CWC22: variants seen among roughly 807,000 people sequenced by gnomAD.
CWC22 encodes the protein CWC22 spliceosome associated protein, also known as pre-mRNA-splicing factor CWC22 homolog.
CWC22 carries 53 observed loss-of-function variants against 117.2 expected under a neutral mutation model. The observed-to-expected ratio is 0.45, with a 90% confidence interval of 0.36 to 0.57. CWC22 has a LOEUF of 0.57. CWC22 is among the 20% of genes least tolerant of loss of function. The pLI is 0.00. For missense variants in CWC22, 980 were observed against 1,068.8 expected, an observed-to-expected ratio of 0.92 and a Z score of 1.16; for synonymous variants, 360 against 355.6, an observed-to-expected ratio of 1.01 and a Z score of -0.14.
chr2:180,000,018 A>C (rs1486074000), intron 1 of CWC22, among the ~76,000 whole-genome samples: 2 of 152,182 alleles, frequency 1.3e-5, no homozygotes, highest in African/African-American at 4.8e-5. Context: ...AACAAATAGG[A>C]GTAACAGATT....
At position 179,954,191 on chromosome 2, in the gene CWC22, A is replaced by C. The variant is rs748285871; in HGVS notation, c.1689+14T>G. ...AATTAGGAAGGAAGTATAAATATTG[A>C]CCCATGTACTTACACTCCATGGAAG... On this transcript the variant is annotated intron_variant, in intron 16 of 19. Coordinates refer to ENST00000410053, the MANE Select transcript of CWC22 (RefSeq NM_020943.3). The C allele has an allele frequency of 6.4e-6, 10 of 1,573,298 alleles. 1 individual carries two copies. In the East Asian group the frequency reaches 2.3e-4, roughly 36 times the overall value.
chr2:179,978,093 AAGT>A (rs1426202045), intron 6 of CWC22, 94 bp downstream of exon 6: 32 of 1,245,066 alleles, frequency 2.6e-5, no homozygotes, highest in Non-Finnish European at 2.0e-5. Flanking sequence ...CTTTGAAATG[AAGT>A]AGCACAATAA....
intron 11 of CWC22, among the ~76,000 whole-genome samples, chr2:179,968,716 C>T (rs1031261021): frequency 2.0e-5 from 3 of 151,746 alleles, no homozygotes; most frequent in Admixed American, 6.6e-5. Context: ...TATAGGCATG[C>T]ACCACCACAC....
intron 14 of CWC22, among the ~76,000 whole-genome samples, chr2:179,958,685 T>C (rs1249927886): frequency 1.3e-5 from 2 of 152,154 alleles, no homozygotes; most frequent in African/African-American, 2.4e-5. Context: ...ATCCAGAAGA[T>C]GGACCACATA....
chr2:179,965,407 A>G (rs1686863869), intron 12 of CWC22, among the ~76,000 whole-genome samples: 1 of 152,230 alleles, frequency 6.6e-6, no homozygotes, highest in Non-Finnish European at 1.5e-5. Context: ...TCAAAGCTGA[A>G]GAGGAAGAAC....
At chr2:179,957,651 T>C (rs2105513685) in intron 14 of CWC22, among the ~76,000 whole-genome samples, 1 of 152,274 alleles carries the variant, frequency 6.6e-6, no homozygotes, top group African/African-American at 2.4e-5. Flanking sequence ...TTAGCTCCGA[T>C]AATCAAGAAG....
At chr2:179,954,424 T>A in intron 15 of CWC22, 67 bp from the exon 16 acceptor site, 1 of 962,288 alleles carries the variant, frequency 1.0e-6, no homozygotes, top group Non-Finnish European at 1.5e-6. Context: ...TATTAAATCC[T>A]AAATTTACTG....
chr2:179,978,267 G>T lies in CWC22; in HGVS notation c.504C>A (p.Gly168=). 1.9e-6 allele frequency: 3 copies of T among 1,563,296 alleles called. No homozygotes were observed. The highest frequency in any genetic ancestry group is 2.6e-6 in the Non-Finnish European group (3 of 1,155,954). Residue 168 remains glycine, a synonymous_variant, in exon 6 of 20, where the codon GGC becomes GGA. Transcript: ENST00000410053. ...TGGAAATGTTGACTTTGTTGATAAG[G>T]CCATTAATTGACTTCTTCAGGGCCT... ...SWEALKKSIN[G]LINKVNISNI...
chr2:179,964,660 C>T (rs1343756681), intron 12 of CWC22, 32 bp from the exon 13 acceptor site: 1 of 1,148,988 alleles, frequency 8.7e-7, no homozygotes, highest in South Asian at 1.4e-5. Context: ...TACACAACTG[C>T]AAAAATAAAT....
chr2:179,978,412 G>T (rs1687204567), intron 5 of CWC22, 94 bp from the exon 6 acceptor site: 4 of 1,278,536 alleles, frequency 3.1e-6, no homozygotes, highest in East Asian at 6.1e-5. Context: ...CTTAATTTTT[G>T]ACATTATTTT....
chr2:179,998,059 C>T (rs1369136142), intron 1 of CWC22, among the ~76,000 whole-genome samples: 2 of 152,048 alleles, frequency 1.3e-5, no homozygotes, highest in Non-Finnish European at 2.9e-5. Context: ...GTAGGGGAAA[C>T]CCATGCATAC....
At chr2:180,004,143 T>C (rs1419791702) in intron 1 of CWC22, among the ~76,000 whole-genome samples, 2 of 152,204 alleles carry the variant, frequency 1.3e-5, no homozygotes, top group Non-Finnish European at 2.9e-5. Context: ...AATAGCCACT[T>C]CTTTCTCGGA....
chr2:179,964,563 G>T lies in CWC22; in HGVS notation c.1381C>A (p.Leu461Ile). 6.4e-7 allele frequency: 1 copy of T among 1,564,734 alleles called. No individual in the cohort carries two copies. Among genetic ancestry groups the T allele is most frequent in the Non-Finnish European group, 8.7e-7 (1 of 1,149,626 alleles). Reference protein sequence around the residue: ...NLVSFRRTIYLAIQSSLDFEE... With the variant: ...NLVSFRRTIYIAIQSSLDFEE... ...ATGCCTTACCTTGACTGAATAGCAA[G>T]ATAAATTGTACGACGAAATGAGACC... Residue 461 changes from leucine (L) to isoleucine (I), a missense_variant, in exon 13 of 20, where the codon CTT (leucine) becomes ATT (isoleucine). Physicochemically the swap from Leu to Ile is conservative, Grantham distance 5. Transcript: ENST00000410053.
chr2:179,985,937 A>C (rs1424082801), intron 4 of CWC22, among the ~76,000 whole-genome samples: 1 of 152,030 alleles, frequency 6.6e-6, no homozygotes, highest in Non-Finnish European at 1.5e-5. Flanking sequence ...AACTATTACT[A>C]ATTTCTACAA....
chr2:179,996,957 A>G lies in CWC22; in HGVS notation c.-113-3503T>C, dbSNP rs552807581. ...GAAACTAAGAGAATTTATCACCAGC[A>G]GACCTGCACTACAAAAAATGCTAAA... On this transcript the variant is annotated intron_variant, in intron 1 of 19. Transcript: ENST00000410053. Among the ~76,000 whole-genome samples, 3 of 152,286 alleles carry G rather than the reference A, an allele frequency of 2.0e-5. No individual in the cohort carries two copies. In the East Asian group the frequency reaches 5.8e-4, roughly 29 times the overall value.
rs1444655599 is a variant in CWC22, at chr2:179,980,423, T to A, written c.452+1329A>T. Among the ~76,000 whole-genome samples the A allele has an allele frequency of 6.0e-5, 9 of 150,384 alleles. No individual in the cohort carries two copies. In the East Asian group the frequency reaches 1.2e-3, roughly 19 times the overall value. ...TTTAGATAAATGACATTTCTTATTT[T>A]TTTTTTTTTTTTGAGGCAGAGTCTC... On this transcript the variant is annotated intron_variant, in intron 5 of 19. Transcript: ENST00000410053.
rs183531275 is a variant in CWC22 at position 179,992,498 on chromosome 2, C to A, written c.27+817G>T. 2.2e-4 allele frequency among the ~76,000 whole-genome samples: 33 copies of A among 152,238 alleles called. No homozygotes were observed. The East Asian group carries it at 6.0e-3, about 28-fold the overall frequency. On this transcript the variant is annotated intron_variant, in intron 2 of 19. Coordinates refer to ENST00000410053, the MANE Select transcript of CWC22 (RefSeq NM_020943.3). The stretch of plus-strand genomic sequence containing the variant: ...TATCTTTTCAATGGGCCCTACTCAT[C>A]CCTCTATTAAAAACTGCAACCCCTC...
In CWC22 at chr2:179,954,192, C is replaced by G. The variant is rs769843375; in HGVS notation, c.1689+13G>C. The G allele has an allele frequency of 3.2e-6, 5 of 1,584,244 alleles. No homozygotes were observed. The highest frequency in any genetic ancestry group is 4.3e-6 in the Non-Finnish European group (5 of 1,157,766). On this transcript the variant is annotated intron_variant, in intron 16 of 19. Coordinates refer to ENST00000410053, the MANE Select transcript of CWC22 (RefSeq NM_020943.3). ...ATTAGGAAGGAAGTATAAATATTGA[C>G]CCATGTACTTACACTCCATGGAAGT... is the stretch of plus-strand genomic sequence containing the variant.
chr2:179,957,767 C>G (rs2105513796), intron 14 of CWC22, among the ~76,000 whole-genome samples: 1 of 151,982 alleles, frequency 6.6e-6, no homozygotes, highest in African/African-American at 2.4e-5. Flanking sequence ...AATACAATCA[C>G]CAAAGCTATG....
Sources: gnomAD v4.1 joint callset for allele counts (sites outside exome capture counted in the v4.1 genomes callset) on GRCh38, gnomAD v4.1.1 for gene constraint, MANE v1.5 for transcripts, NCBI Gene and HGNC (gene_info 2026-07-23, HGNC 2026-07-21) for gene names.